RYR3: variants seen among roughly 807,000 people sequenced by gnomAD.
RYR3 encodes the protein brain ryanodine receptor-calcium release channel.
Under a neutral mutation model 584.3 loss-of-function variants are expected in RYR3, and 207 were observed. The ratio of observed to expected loss-of-function variants is 0.35; its 90% CI spans 0.32 to 0.40. The LOEUF (loss-of-function observed/expected upper bound fraction) is 0.40. Among genes scored for constraint, RYR3 ranks in the 10% least tolerant of loss-of-function variants. RYR3 has a pLI of 1.00. For missense variants in RYR3, 5,616 were observed against 6,089.2 expected (o/e 0.92, Z 2.59); for synonymous variants, 2,416 against 2,248.5 (o/e 1.07, Z -2.11).
At chr15:33,483,417 G>A (rs1996351) in intron 2 of RYR3, among the ~76,000 whole-genome samples, 67,501 of 151,798 alleles carry the variant, frequency 0.44, 15,813 homozygotes, top group Non-Finnish European at 0.52. Context: ...AGTTATTCTG[G>A]TTTCTGTTGT....
At chr15:33,819,899 C>A in intron 77 of RYR3, 92 bp downstream of exon 77, 1 of 950,190 alleles carries the variant, frequency 1.1e-6, no homozygotes, top group Non-Finnish European at 1.6e-6. Context: ...GAATAGCAGG[C>A]CTGGGACTTT....
Position 33,706,909 on chromosome 15 carries a change from T to C in RYR3, c.6484-10T>C. The C allele has an allele frequency of 6.3e-7, 1 of 1,593,070 alleles. No individual in the cohort carries two copies. The highest frequency in any genetic ancestry group is 8.6e-7 in the Non-Finnish European group (1 of 1,168,900). The stretch of plus-strand genomic sequence containing the variant: ...CGTGCGAAAGAACACTTTTGTACTG[T>C]TTCTGGCAGGTGGTGACCTACTTGG... On this transcript the variant is annotated splice_polypyrimidine_tract_variant and intron_variant, in intron 42 of 103. Coordinates refer to ENST00000634891, the MANE Select transcript of RYR3 (RefSeq NM_001036.6).
At chr15:33,859,432 C>CATGA (rs1284872450) in intron 99 of RYR3, 143 bp from the exon 100 acceptor site, 8 of 763,554 alleles carry the variant, frequency 1.0e-5, no homozygotes, top group Non-Finnish European at 1.7e-5. Context: ...CAGCTAGCAG[C>CATGA]ATGAATACTG....
At position 33,450,087 on chromosome 15, in the gene RYR3, T is replaced by TAAAAAAAAAAAAAAAAAA. The variant is rs10647466; in HGVS notation, c.52-23325_52-23308dup. Among the ~76,000 whole-genome samples the TAAAAAAAAAAAAAAAAAA allele has an allele frequency of 1.5e-4, 10 of 67,318 alleles. 2 individuals are homozygous for TAAAAAAAAAAAAAAAAAA. Among genetic ancestry groups the TAAAAAAAAAAAAAAAAAA allele is most frequent in the African/African-American group, 5.5e-4 (10 of 18,202 alleles). The allele number at this position is 67,318 out of a possible 152,430, so 44.2% of individuals were successfully genotyped here. A position where few individuals can be genotyped will look rare whatever the true frequency, so the allele number is the denominator to read the frequency against. ...TTACTGCGGCTAGAGCATTAATACC[T>TAAAAAAAAAAAAAAAAAA]AAAAAAAAAAAAAAAAAAAAAAAAG... is the stretch of plus-strand genomic sequence containing the variant. On this transcript the variant is annotated intron_variant, in intron 1 of 103. Coordinates refer to ENST00000634891, the MANE Select transcript of RYR3 (RefSeq NM_001036.6).
chr15:33,802,668 G>A lies in RYR3; in HGVS notation c.10011+707G>A, dbSNP rs529352539. On this transcript the variant is annotated intron_variant, in intron 69 of 103. Transcript: ENST00000634891. ...TTTTGATTTAAGAGACTTCTCAGAC[G>A]TACTCCTTCAAGTGTACATACAAAA... 1.9e-4 allele frequency among the ~76,000 whole-genome samples: 29 copies of A among 152,264 alleles called. 1 individual carries two copies. The highest frequency in any genetic ancestry group is 1.2e-3 in the Admixed American group (18 of 15,296).
intron 91 of RYR3, among the ~76,000 whole-genome samples, chr15:33,842,830 G>A (rs1402385733): frequency 6.6e-6 from 1 of 152,198 alleles, no homozygotes; most frequent in African/African-American, 2.4e-5. Context: ...TGCGTGGAGT[G>A]ATCACGAAAA....
At chr15:33,832,689 G>A (rs552799807) in intron 86 of RYR3, among the ~76,000 whole-genome samples, 1 of 150,586 alleles carries the variant, frequency 6.6e-6, no homozygotes, top group African/African-American at 2.4e-5. Flanking sequence ...ATACGTATGA[G>A]TTCAGAGGAA....
chr15:33,647,634 G>T (rs895638422), intron 30 of RYR3, among the ~76,000 whole-genome samples, 174 bp downstream of exon 30: 6 of 152,140 alleles, frequency 3.9e-5, no homozygotes, highest in African/African-American at 1.4e-4. Flanking sequence ...TCAAGTGGGG[G>T]AAAGACAGTT....
chr15:33,748,052 A>G, intron 53 of RYR3, 62 bp from the exon 54 acceptor site: 1 of 1,538,818 alleles, frequency 6.5e-7, no homozygotes, highest in Admixed American at 1.7e-5. Context: ...CCATGCGGAG[A>G]TGGGCCAGGG....
chr15:33,336,488 A>AGAGAG (rs1971068767), intron 1 of RYR3, among the ~76,000 whole-genome samples: 16 of 23,924 alleles, frequency 6.7e-4, no homozygotes, highest in East Asian at 9.6e-4. Flanking sequence ...GAGAGAGAGA[A>AGAGAG]AGAAAGAAAG....
At chr15:33,622,684 A>G (rs1393500509) in intron 19 of RYR3, among the ~76,000 whole-genome samples, 1 of 150,284 alleles carries the variant, frequency 6.7e-6, no homozygotes, top group Non-Finnish European at 1.5e-5. Context: ...GTACATAAAC[A>G]CTGCATATAT....
Position 33,865,132 on chromosome 15 carries a change from A to AATCTT in RYR3, c.14522_14526dup (p.Val4843LeufsTer65). 6.2e-7 allele frequency: 1 copy of AATCTT among 1,610,776 alleles called. No individual in the cohort carries two copies. Among genetic ancestry groups the AATCTT allele is most frequent in the Non-Finnish European group, 8.5e-7 (1 of 1,177,668 alleles). On this transcript the variant is annotated frameshift_variant and splice_region_variant, in exon 104 of 104. Coordinates refer to ENST00000634891, the MANE Select transcript of RYR3 (RefSeq NM_001036.6). LOFTEE classifies it high-confidence loss of function. Reference sequence around the variant, plus strand: ...CACCCGTTGTTCATATTATTTCAGGAATCTTATGTCTGGAAGATGTACCAA... The same window carrying AATCTT: ...CACCCGTTGTTCATATTATTTCAGGAATCTTATCTTATGTCTGGAAGATGTACCAA...
At chr15:33,534,892 C>T (rs1181713092) in intron 5 of RYR3, among the ~76,000 whole-genome samples, 1 of 152,190 alleles carries the variant, frequency 6.6e-6, no homozygotes, top group African/African-American at 2.4e-5. Flanking sequence ...ATTTCTGCTC[C>T]ATTTAGAGGT....
At position 33,838,439 on chromosome 15, in the gene RYR3, C is replaced by T. The variant is rs752366989; in HGVS notation, c.12459C>T (p.Val4153=). The change falls in exon 89 of 104, where the codon GTC becomes GTT. Residue 4153 remains valine (V), a synonymous_variant. Transcript: ENST00000634891. The part of the protein sequence containing the change: ...AMACASVKRN[V]TDFLKRATLK... ...CCTGTGCCTCTGTGAAGAGGAATGT[C>T]ACCGACTTCCTGAAGAGAGCAACCC... 1 of 1,614,028 alleles carries T rather than the reference C, an allele frequency of 6.2e-7. No individual in the cohort carries two copies. The highest frequency in any genetic ancestry group is 8.5e-7 in the Non-Finnish European group (1 of 1,179,902).
rs1223762626 is a variant in RYR3, at chr15:33,566,818, T to C, written c.1268+19T>C. The C allele has an allele frequency of 6.2e-7, 1 of 1,613,412 alleles. No homozygotes were observed. Among genetic ancestry groups the C allele is most frequent in the South Asian group, 1.1e-5 (1 of 91,052 alleles). On this transcript the variant is annotated intron_variant, in intron 12 of 103. Transcript: ENST00000634891. ...TTGTCAGGTATGTTAGCTCCTTTCC[T>C]CCTCTACCTAGTGAGTTTGACTCTG... is the stretch of plus-strand genomic sequence containing the variant.
chr15:33,725,154 T>TAC (rs58951939), intron 45 of RYR3, among the ~76,000 whole-genome samples: 12,468 of 113,666 alleles, frequency 0.11, 694 homozygotes, highest in East Asian at 0.14. Flanking sequence ...TCCAACACCT[T>TAC]ACACACACAC....
rs554326915 is a variant in RYR3 at position 33,521,179 on chromosome 15, A to G, written c.280-9413A>G. Among the ~76,000 whole-genome samples, 8 of 152,124 alleles carry G rather than the reference A, an allele frequency of 5.3e-5. No individual in the cohort carries two copies. The East Asian group carries it at 1.5e-3, about 29-fold the overall frequency. ...TCGTTTGCAGTCTCCAACCCATCTGAGCCATCTCGCAGATTATACCTATTC... is the reference window on the plus strand; with the variant it reads ...TCGTTTGCAGTCTCCAACCCATCTGGGCCATCTCGCAGATTATACCTATTC... On this transcript the variant is annotated intron_variant, in intron 3 of 103. Transcript: ENST00000634891.
At chr15:33,482,620 T>C (rs2050076095) in intron 2 of RYR3, among the ~76,000 whole-genome samples, 1 of 152,160 alleles carries the variant, frequency 6.6e-6, no homozygotes, top group South Asian at 2.1e-4. Flanking sequence ...GGTTTCACCA[T>C]GTTGGCCAGG....
In RYR3 at chr15:33,696,433, T is replaced by C; in HGVS notation, c.6076T>C (p.Ser2026Pro). The change falls in exon 39 of 104, where the codon TCC becomes CCC. Residue 2026 changes from serine to proline, a missense_variant. Around this residue, in one of 9 missense-constraint regions of RYR3, gnomAD observed 1,280 missense variants for 1,426.2 expected, o/e 0.90. Transcript: ENST00000634891. ...NLLAALGQIR[S>P]LLSVRMGKEE... ...GCTGGCTGCCCTGGGCCAAATCCGC[T>C]CCCTCCTCAGTGTCAGGATGGGCAA... 3 of 1,613,900 alleles carry C rather than the reference T, an allele frequency of 1.9e-6. No homozygotes were observed. Among genetic ancestry groups the C allele is most frequent in the East Asian group, 2.2e-5 (1 of 44,864 alleles).
Sources: allele counts gnomAD v4.1 joint callset (sites outside exome capture counted in the v4.1 genomes callset), GRCh38; gene constraint gnomAD v4.1.1; regional missense constraint gnomAD v4.1.1; transcripts MANE v1.5; gene names NCBI Gene and HGNC (gene_info 2026-07-23, HGNC 2026-07-21).